Variants in URB1 observed in about 807,000 individuals in gnomAD.
URB1 encodes nucleolar pre-ribosomal-associated protein 1.
Under a neutral mutation model 242.3 loss-of-function variants are expected in URB1, and 197 were observed. The observed-to-expected ratio is 0.81, with a 90% CI of 0.72 to 0.91. The LOEUF is 0.91. Ranked by LOEUF, URB1 falls within the 40% of genes least tolerant of loss-of-function variation. The probability of loss-of-function intolerance (pLI) is 0.00; values close to 1 mark genes in which losing one functional copy is unlikely to be tolerated. For synonymous variants in URB1, 1,153 were observed against 1,201.8 expected (o/e 0.96, Z 0.84); for missense variants, 2,721 against 2,860.5 (o/e 0.95, Z 1.11).
intron 21 of URB1, 77 bp downstream of exon 21, chr21:32,349,227 T>C (rs2033127670): frequency 1.4e-5 from 20 of 1,431,624 alleles, no homozygotes; most frequent in Non-Finnish European, 1.8e-5. Flanking sequence ...GACCTATGTT[T>C]GTTTTTAATC....
At chr21:32,319,469 T>G (rs781543919) in intron 35 of URB1, 55 bp from the exon 36 acceptor site, 1 of 1,437,596 alleles carries the variant, frequency 7.0e-7, no homozygotes, top group African/African-American at 1.4e-5. Flanking sequence ...TTCAGCAGGA[T>G]CAGACTATCG....
Position 32,338,699 on chromosome 21 carries a change from G to A in URB1, c.4510+8C>T, listed in dbSNP as rs2032992411. The A allele has an allele frequency of 1.9e-6, 3 of 1,550,618 alleles. No homozygotes were observed. Among genetic ancestry groups the A allele is most frequent in the Non-Finnish European group, 1.7e-6 (2 of 1,146,868 alleles). The stretch of plus-strand genomic sequence containing the variant: ...ATACGGAATGGAAGGGCTGGGGTGA[G>A]GGGTCACCTTTTACTTGGCTGTCCG... On this transcript the variant is annotated splice_region_variant and intron_variant, in intron 26 of 38. Coordinates refer to ENST00000382751, the MANE Select transcript of URB1 (RefSeq NM_014825.3).
intron 1 of URB1, among the ~76,000 whole-genome samples, chr21:32,388,265 C>G (rs2033603589): frequency 6.6e-6 from 1 of 152,158 alleles, no homozygotes; most frequent in African/African-American, 2.4e-5. Context: ...AGAACAGAAC[C>G]TACCTGACAG....
intron 15 of URB1, among the ~76,000 whole-genome samples, chr21:32,355,943 G>A (rs1192045097): frequency 2.6e-5 from 4 of 152,224 alleles, no homozygotes; most frequent in African/African-American, 9.6e-5. Flanking sequence ...AGGTCAAGCA[G>A]TTTCATTGTG....
chr21:32,345,728 C>G (rs1236642459), intron 22 of URB1, among the ~76,000 whole-genome samples, 153 bp from the exon 23 acceptor site: 2 of 152,166 alleles, frequency 1.3e-5, no homozygotes, highest in South Asian at 4.1e-4. Context: ...GGCAGGAGTA[C>G]TGACACCATG....
intron 38 of URB1, among the ~76,000 whole-genome samples, chr21:32,315,727 A>G (rs1318366475): frequency 2.0e-5 from 3 of 152,190 alleles, no homozygotes; most frequent in African/African-American, 7.2e-5. Flanking sequence ...ATCATTTCCT[A>G]CCATTTCCTC....
chr21:32,335,804 G>C (rs1291811806), intron 28 of URB1, among the ~76,000 whole-genome samples: 1 of 152,136 alleles, frequency 6.6e-6, no homozygotes, highest in Non-Finnish European at 1.5e-5. Flanking sequence ...ATCTAAGGAC[G>C]AGATGTTTAT....
intron 1 of URB1, among the ~76,000 whole-genome samples, chr21:32,388,760 T>G (rs75806766): frequency 6.6e-6 from 1 of 152,354 alleles, no homozygotes; most frequent in East Asian, 1.9e-4. Context: ...CACTCTTTTT[T>G]AAGGAATTAT....
At position 32,373,647 on chromosome 21, in the gene URB1, C is replaced by A. The variant is rs1248148473; in HGVS notation, c.876G>T (p.Lys292Asn). 4 of 1,536,506 alleles carry A rather than the reference C, an allele frequency of 2.6e-6. No homozygotes were observed. Among genetic ancestry groups the A allele is most frequent in the Non-Finnish European group, 2.6e-6 (3 of 1,142,646 alleles). Residue 292 changes from lysine (K) to asparagine (N), a missense_variant and splice_region_variant, in exon 7 of 39, where the codon AAG becomes AAT. By Grantham distance (94) the Lys-to-Asn change is moderately conservative. Transcript: ENST00000382751. ...GITDVNPENVKVSAEEAGKTM... is the reference protein window; with the variant it reads ...GITDVNPENVNVSAEEAGKTM... The stretch of plus-strand genomic sequence containing the variant: ...AACGAAAACCAAAAAGTGTCTGCAC[C>A]TTGACATTTTCTGGGTTCACATCGG...
chr21:32,377,244 T>A (rs1227311731), intron 5 of URB1: 1 of 519,028 alleles, frequency 1.9e-6, no homozygotes, highest in Non-Finnish European at 3.8e-6. Flanking sequence ...AGGCAATGGT[T>A]CAGGGCTACA....
At chr21:32,316,058 C>T (rs192646295) in intron 38 of URB1, among the ~76,000 whole-genome samples, 2 of 152,224 alleles carry the variant, frequency 1.3e-5, no homozygotes, top group South Asian at 2.1e-4. Context: ...TGTGCACACA[C>T]ACGCGCATGC....
intron 10 of URB1, among the ~76,000 whole-genome samples, chr21:32,365,320 G>A (rs910993425): frequency 2.0e-5 from 3 of 152,022 alleles, no homozygotes; most frequent in Non-Finnish European, 2.9e-5. Context: ...GTGTGGTGGT[G>A]CGCACCTGTA....
In URB1 at chr21:32,350,791, G is replaced by A. The variant is rs1353014906; in HGVS notation, c.2745C>T (p.Thr915=). The A allele has an allele frequency of 5.2e-6, 8 of 1,551,398 alleles. No individual in the cohort carries two copies. Among genetic ancestry groups the A allele is most frequent in the Admixed American group, 2.0e-5 (1 of 50,998 alleles). Residue 915 remains threonine (T), a synonymous_variant, in exon 20 of 39, where the codon ACC becomes ACT. Transcript: ENST00000382751. The part of the protein sequence containing the change: ...DEHIQVQLQA[T]MPHLSMQQVL... Reference sequence around the variant, plus strand: ...CCTGCTGCATGGACAGGTGTGGCATGGTGGCCTGCAGCTGCACCTGGATGT... The same window carrying A: ...CCTGCTGCATGGACAGGTGTGGCATAGTGGCCTGCAGCTGCACCTGGATGT...
At position 32,349,418 on chromosome 21, in the gene URB1, G is replaced by A. The variant is rs2033130593; in HGVS notation, c.2898C>T (p.Val966=). 2 of 1,551,358 alleles carry A rather than the reference G, an allele frequency of 1.3e-6. No homozygotes were observed. Among genetic ancestry groups the A allele is most frequent in the Admixed American group, 3.9e-5 (2 of 50,978 alleles). The change falls in exon 21 of 39, where the codon GTC becomes GTT. Residue 966 remains valine (V), a synonymous_variant. Transcript: ENST00000382751. ...LFLDLLRRLV[V]HCEQLDAQNQ... Reference sequence around the variant, plus strand: ...TCTGGGCATCCAGCTGCTCACAGTGGACAACCAGGCGCCTGAGGAGATCCA... The same window carrying A: ...TCTGGGCATCCAGCTGCTCACAGTGAACAACCAGGCGCCTGAGGAGATCCA...
In URB1 at chr21:32,375,577, A is replaced by C. The variant is rs368769759; in HGVS notation, c.665-94T>G. 4 of 678,358 alleles carry C rather than the reference A, an allele frequency of 5.9e-6. No individual in the cohort carries two copies. The South Asian group carries it at 1.0e-4, about 17-fold the overall frequency. 42.0% of individuals were successfully genotyped at this position (678,358 alleles called of 1,614,324 possible). ...TACTGTTTAGGTGGTACAGCAAACA[A>C]TGCCATTTACTTTTTCAAGTTTTTT... On this transcript the variant is annotated intron_variant, in intron 5 of 38. Transcript: ENST00000382751.
intron 6 of URB1, 136 bp from the exon 7 acceptor site, chr21:32,373,908 T>C (rs1390687705): frequency 2.3e-6 from 2 of 872,840 alleles, no homozygotes; most frequent in Non-Finnish European, 3.3e-6. Flanking sequence ...AAATTTGGTT[T>C]AAAAAAAGGA....
chr21:32,375,308 T>A (rs759269350), intron 6 of URB1, 90 bp downstream of exon 6: 40 of 769,970 alleles, frequency 5.2e-5, no homozygotes, highest in Non-Finnish European at 7.6e-5. Context: ...AGATAAGATG[T>A]TGTAGCTCTA....
At position 32,357,332 on chromosome 21, in the gene URB1, A is replaced by AG. The variant is rs397774519; in HGVS notation, c.1989+204_1989+205insC. Among the ~76,000 whole-genome samples the AG allele has an allele frequency of 1.5e-3, 230 of 151,392 alleles. 1 individual carries two copies. Among genetic ancestry groups the AG allele is most frequent in the African/African-American group, 5.3e-3 (218 of 41,390 alleles). Reference sequence around the variant, plus strand: ...ACCTACCTAAAAAAAAAAAAAAAAAACATTTTTCCAATGCACCAGGCTGCC... The same window carrying AG: ...ACCTACCTAAAAAAAAAAAAAAAAAAGCATTTTTCCAATGCACCAGGCTGCC... On this transcript the variant is annotated intron_variant, in intron 15 of 38. Coordinates refer to ENST00000382751, the MANE Select transcript of URB1 (RefSeq NM_014825.3).
chr21:32,392,262 C>A (rs2033647694), intron 1 of URB1, among the ~76,000 whole-genome samples: 1 of 152,152 alleles, frequency 6.6e-6, no homozygotes, highest in Admixed American at 6.5e-5. Context: ...TCGGCTACAT[C>A]TCAGTCACTG....
Sources: gnomAD v4.1 joint callset for allele counts (sites outside exome capture counted in the v4.1 genomes callset) on GRCh38, gnomAD v4.1.1 for gene constraint, MANE v1.5 for transcripts, NCBI Gene and HGNC (gene_info 2026-07-23, HGNC 2026-07-21) for gene names.